Variants in CNTN5 observed in about 807,000 individuals in gnomAD.
CNTN5 encodes the protein contactin-5.
A neutral mutation model predicts 129.1 loss-of-function variants in CNTN5; 77 were observed. The ratio of observed to expected loss-of-function variants is 0.60; its 90% CI spans 0.50 to 0.72. CNTN5 has a LOEUF of 0.72. Ranked by LOEUF, CNTN5 falls within the 30% of genes least tolerant of loss-of-function variation. The pLI is 0.00. For missense variants in CNTN5, 1,478 were observed against 1,328.8 expected, an observed-to-expected ratio of 1.11 and a Z score of -1.75; for synonymous variants, 509 against 465.6, an observed-to-expected ratio of 1.09 and a Z score of -1.20.
chr11:100,269,151 A>G (rs374346128), intron 17 of CNTN5, among the ~76,000 whole-genome samples: 1 of 152,294 alleles, frequency 6.6e-6, no homozygotes, highest in East Asian at 1.9e-4. Context: ...TAAGTTTTGA[A>G]AAGTGTTTCA....
At chr11:99,959,849 C>T (rs1187206674) in intron 8 of CNTN5, among the ~76,000 whole-genome samples, 3 of 152,074 alleles carry the variant, frequency 2.0e-5, no homozygotes, top group Admixed American at 6.5e-5. Flanking sequence ...TATTTTTTAC[C>T]AGAGAAGCTA....
At chr11:99,954,428 C>A (rs1950749156) in intron 7 of CNTN5, among the ~76,000 whole-genome samples, 1 of 152,244 alleles carries the variant, frequency 6.6e-6, no homozygotes, top group South Asian at 2.1e-4. Flanking sequence ...GAAATGAATG[C>A]TACTACTACT....
chr11:99,626,668 T>C (rs1215918676), intron 3 of CNTN5, among the ~76,000 whole-genome samples: 2 of 152,098 alleles, frequency 1.3e-5, no homozygotes, highest in East Asian at 3.9e-4. Flanking sequence ...AGGATAAAGA[T>C]CTATGTAATC....
intron 1 of CNTN5, among the ~76,000 whole-genome samples, chr11:99,245,434 T>C (rs918217286): frequency 9.2e-5 from 14 of 152,154 alleles, no homozygotes; most frequent in African/African-American, 3.1e-4. Flanking sequence ...TTCTCCTGAC[T>C]CCGCCTCCCA....
intron 6 of CNTN5, among the ~76,000 whole-genome samples, chr11:99,883,102 A>G (rs755141465): frequency 3.9e-5 from 6 of 152,248 alleles, no homozygotes; most frequent in Non-Finnish European, 7.4e-5. Context: ...TAAGTACCAC[A>G]TTTTCTTCAT....
At chr11:100,289,336 T>A (rs569218562) in intron 18 of CNTN5, among the ~76,000 whole-genome samples, 1 of 152,116 alleles carries the variant, frequency 6.6e-6, no homozygotes, top group Admixed American at 6.5e-5. Context: ...ATATCCTTGA[T>A]GAACATTGAT....
intron 3 of CNTN5, among the ~76,000 whole-genome samples, chr11:99,560,867 A>G (rs1007869692): frequency 6.6e-6 from 1 of 152,126 alleles, no homozygotes; most frequent in Admixed American, 6.5e-5. Context: ...AGAATGATCC[A>G]TGTGATAATG....
At chr11:99,254,792 C>T (rs578220003) in intron 1 of CNTN5, among the ~76,000 whole-genome samples, 1 of 151,940 alleles carries the variant, frequency 6.6e-6, no homozygotes, top group East Asian at 1.9e-4. Context: ...TTATTGACAT[C>T]ATAAATTTTT....
intron 1 of CNTN5, among the ~76,000 whole-genome samples, chr11:99,247,255 A>G (rs1051529632): frequency 6.6e-6 from 1 of 152,078 alleles, no homozygotes; most frequent in African/African-American, 2.4e-5. Flanking sequence ...CTCTCCATTT[A>G]AAGATATAAT....
At chr11:99,957,047 T>G in intron 8 of CNTN5, 38 bp downstream of exon 8, 2 of 1,559,908 alleles carry the variant, frequency 1.3e-6, no homozygotes, top group Non-Finnish European at 1.8e-6. Flanking sequence ...CAGCCAACTC[T>G]AATTTGGAAA....
chr11:100,064,483 A>C (rs1372297907), intron 10 of CNTN5, among the ~76,000 whole-genome samples: 1 of 152,126 alleles, frequency 6.6e-6, no homozygotes. Flanking sequence ...TTACATGTCT[A>C]ATATAACATA....
intron 10 of CNTN5, among the ~76,000 whole-genome samples, chr11:100,069,332 T>C (rs988990719): frequency 6.6e-6 from 1 of 151,868 alleles, no homozygotes. Flanking sequence ...TTTTTTTTTT[T>C]ATTTTTAGTA....
At chr11:99,052,506 C>T (rs570816689) in intron 1 of CNTN5, among the ~76,000 whole-genome samples, 11 of 151,880 alleles carry the variant, frequency 7.2e-5, no homozygotes, top group African/African-American at 1.9e-4. Context: ...GGCTATATAG[C>T]GCAGGTACAT....
chr11:100,175,463 A>G (rs753865193), intron 13 of CNTN5, among the ~76,000 whole-genome samples: 2 of 152,158 alleles, frequency 1.3e-5, no homozygotes, highest in Non-Finnish European at 2.9e-5. Context: ...CTGGATCTCA[A>G]TGTCTTCATC....
At chr11:99,510,435 A>G (rs950063398) in intron 2 of CNTN5, among the ~76,000 whole-genome samples, 5 of 152,210 alleles carry the variant, frequency 3.3e-5, no homozygotes, top group Non-Finnish European at 7.4e-5. Context: ...TTCTAATATT[A>G]CTGATATTTA....
intron 3 of CNTN5, among the ~76,000 whole-genome samples, chr11:99,794,492 C>A (rs1945864511): frequency 6.6e-6 from 1 of 152,018 alleles, no homozygotes. Context: ...ATTTTGCAAA[C>A]TTGTTTATGT....
chr11:99,713,343 C>G (rs916019404), intron 3 of CNTN5, among the ~76,000 whole-genome samples: 1 of 151,722 alleles, frequency 6.6e-6, no homozygotes. Context: ...TGCACATTGA[C>G]TTTGTATCCT....
At chr11:100,179,885 A>G (rs1332209015) in intron 13 of CNTN5, among the ~76,000 whole-genome samples, 1 of 152,100 alleles carries the variant, frequency 6.6e-6, no homozygotes, top group East Asian at 1.9e-4. Flanking sequence ...TAATAGTCCT[A>G]TGTCTTTTTT....
chr11:99,559,903 T>C (rs867460807), intron 3 of CNTN5, among the ~76,000 whole-genome samples: 1 of 152,102 alleles, frequency 6.6e-6, no homozygotes, highest in Non-Finnish European at 1.5e-5. Context: ...CACAAACATA[T>C]TAATGGATTC....
Sources: allele counts gnomAD v4.1 joint callset (sites outside exome capture counted in the v4.1 genomes callset), GRCh38; gene constraint gnomAD v4.1.1; transcripts MANE v1.5; gene names NCBI Gene and HGNC (gene_info 2026-07-23, HGNC 2026-07-21).